Variants in KANSL1 observed in about 807,000 individuals in gnomAD.
KANSL1 encodes the protein MLL1/MLL complex subunit KANSL1.
A neutral mutation model predicts 103.6 loss-of-function variants in KANSL1; 22 were observed. That is an observed-to-expected ratio of 0.21 (90% CI 0.15 to 0.30). KANSL1 has a LOEUF of 0.30. KANSL1 is among the 10% of genes least tolerant of loss of function. KANSL1 has a pLI of 1.00. For missense variants in KANSL1, 1,337 were observed against 1,399.8 expected (o/e 0.96, Z 0.72); for synonymous variants, 600 against 527.6 (o/e 1.14, Z -1.88).
At chr17:46,033,380 T>A in intron 12 of KANSL1, 23 bp downstream of exon 12, 2 of 1,611,966 alleles carry the variant, frequency 1.2e-6, no homozygotes, top group Non-Finnish European at 1.7e-6. Context: ...CGTGTTCTTC[T>A]AACAGAAGAA....
chr17:46,123,554 G>T (rs1255954420), intron 2 of KANSL1, among the ~76,000 whole-genome samples: 1 of 152,176 alleles, frequency 6.6e-6, no homozygotes, highest in East Asian at 1.9e-4. Flanking sequence ...CACACAAATC[G>T]TAAGCAAGAG....
chr17:46,056,754 A>T (rs544785125), intron 6 of KANSL1, among the ~76,000 whole-genome samples: 23 of 152,366 alleles, frequency 1.5e-4, no homozygotes, highest in Non-Finnish European at 2.1e-4. Flanking sequence ...ATGGGAGTGT[A>T]GGAAAGATCA....
chr17:46,081,082 A>C (rs1178363923), intron 4 of KANSL1, among the ~76,000 whole-genome samples: 1 of 152,198 alleles, frequency 6.6e-6, no homozygotes, highest in Non-Finnish European at 1.5e-5. Flanking sequence ...ACTGTCTCAC[A>C]ATCACTGTGG....
At chr17:46,050,332 T>C (rs1568387541) in intron 7 of KANSL1, 1 of 587,774 alleles carries the variant, frequency 1.7e-6, no homozygotes, top group Non-Finnish European at 3.0e-6. Flanking sequence ...AAATCTCATA[T>C]TAAGTTGCAA....
chr17:46,214,798 C>T (rs1306808311), intron 1 of KANSL1, among the ~76,000 whole-genome samples: 2 of 152,258 alleles, frequency 1.3e-5, no homozygotes, highest in Admixed American at 6.5e-5. Flanking sequence ...TCTGCATATG[C>T]ACACTCACAT....
Position 46,034,143 on chromosome 17 carries a change from A to G in KANSL1, c.2666+18T>C. ...GCAGGAAGAATGGGGAGAGGAGCCA[A>G]CTATTCTGAGCTTCTACCTGGGCGT... On this transcript the variant is annotated intron_variant, in intron 11 of 14. Coordinates refer to ENST00000432791, the MANE Select transcript of KANSL1 (RefSeq NM_015443.4). The G allele has an allele frequency of 1.2e-6, 2 of 1,613,058 alleles. No homozygotes were observed. Among genetic ancestry groups the G allele is most frequent in the Non-Finnish European group, 1.7e-6 (2 of 1,179,472 alleles).
chr17:46,074,995 T>C (rs895430039), intron 4 of KANSL1, among the ~76,000 whole-genome samples: 1 of 152,054 alleles, frequency 6.6e-6, no homozygotes, highest in African/African-American at 2.4e-5. Context: ...GCGTAACCTC[T>C]AATAATGAGA....
intron 4 of KANSL1, 73 bp from the exon 5 acceptor site, chr17:46,067,740 C>G: frequency 1.3e-6 from 1 of 762,334 alleles, no homozygotes; most frequent in South Asian, 1.5e-5. Flanking sequence ...ACCACCACTT[C>G]ATTTGCACAA....
intron 6 of KANSL1, among the ~76,000 whole-genome samples, chr17:46,062,376 T>TTTA (rs2078208494): frequency 6.8e-6 from 1 of 148,032 alleles, no homozygotes; most frequent in Non-Finnish European, 1.5e-5. Flanking sequence ...TTTTTTTTTT[T>TTTA]TTAGATGGAC....
At chr17:46,063,886 TGAG>T (rs1018405283) in intron 6 of KANSL1, among the ~76,000 whole-genome samples, 8 of 146,710 alleles carry the variant, frequency 5.5e-5, no homozygotes, top group Non-Finnish European at 9.1e-5. Context: ...TTTATTTTCA[TGAG>T]GTGGCGGTTT....
chr17:46,119,297 G>C (rs2043178460), intron 2 of KANSL1, among the ~76,000 whole-genome samples: 1 of 150,610 alleles, frequency 6.6e-6, no homozygotes, highest in South Asian at 2.1e-4. Flanking sequence ...GGGTAATCTG[G>C]CTCCAGAGTC....
intron 2 of KANSL1, among the ~76,000 whole-genome samples, chr17:46,128,507 T>C (rs1454328939): frequency 6.6e-6 from 1 of 152,042 alleles, no homozygotes; most frequent in African/African-American, 2.4e-5. Flanking sequence ...ACAAGTGTTA[T>C]AAAGAAAAAA....
At chr17:46,082,297 T>G in intron 4 of KANSL1, 144 bp downstream of exon 4, 1 of 551,164 alleles carries the variant, frequency 1.8e-6, no homozygotes, top group Non-Finnish European at 3.3e-6. Flanking sequence ...GGAATTCAGA[T>G]CTTAAAACAC....
intron 1 of KANSL1, among the ~76,000 whole-genome samples, chr17:46,176,846 G>C (rs572959842): frequency 3.3e-5 from 5 of 152,052 alleles, no homozygotes; most frequent in African/African-American, 9.7e-5. Flanking sequence ...GCATAGTGTA[G>C]TTACTAAAAC....
At chr17:46,117,966 C>G (rs2043116147) in intron 2 of KANSL1, among the ~76,000 whole-genome samples, 1 of 152,186 alleles carries the variant, frequency 6.6e-6, no homozygotes, top group South Asian at 2.1e-4. Flanking sequence ...TGTTAGGCTT[C>G]AGAACACTGC....
chr17:46,164,013 A>C (rs769311794), intron 2 of KANSL1, among the ~76,000 whole-genome samples: 3 of 152,216 alleles, frequency 2.0e-5, no homozygotes. Context: ...AACATCACTA[A>C]GTGCCAGGCA....
chr17:46,125,252 C>T (rs1037963667), intron 2 of KANSL1, among the ~76,000 whole-genome samples: 32 of 152,174 alleles, frequency 2.1e-4, no homozygotes, highest in African/African-American at 7.5e-4. Context: ...CTCAGGTGAT[C>T]GCTGGTATTT....
intron 2 of KANSL1, among the ~76,000 whole-genome samples, chr17:46,157,978 T>C (rs9901073): frequency 0.029 from 4,475 of 152,304 alleles, 181 homozygotes; most frequent in African/African-American, 0.09. Context: ...AGAATAGTTG[T>C]AGCAATTCAG....
chr17:46,036,314 G>A (rs1418549531), intron 10 of KANSL1, among the ~76,000 whole-genome samples: 2 of 152,132 alleles, frequency 1.3e-5, no homozygotes, highest in African/African-American at 2.4e-5. Flanking sequence ...AAAAACACTC[G>A]CTCTCCTCCC....
Sources: gnomAD v4.1 joint callset for allele counts (sites outside exome capture counted in the v4.1 genomes callset) on GRCh38, gnomAD v4.1.1 for gene constraint, MANE v1.5 for transcripts, NCBI Gene and HGNC (gene_info 2026-07-23, HGNC 2026-07-21) for gene names.